IKZF1: variants seen among roughly 807,000 people sequenced by gnomAD.
The protein encoded by IKZF1 is DNA-binding protein Ikaros.
In IKZF1, 10 loss-of-function variants were observed where a neutral mutation model predicts 51.7. The observed-to-expected ratio is 0.19, with a 90% CI of 0.12 to 0.33. The LOEUF is 0.33. Ranked by LOEUF, IKZF1 falls within the 10% of genes least tolerant of loss-of-function variation. IKZF1 has a pLI of 1.00. For missense variants in IKZF1, 484 were observed against 707.5 expected, an observed-to-expected ratio of 0.68 and a Z score of 3.58; for synonymous variants, 280 against 282.3, an observed-to-expected ratio of 0.99 and a Z score of 0.08.
chr7:50,317,191 C>T (rs1791790405), intron 1 of IKZF1, among the ~76,000 whole-genome samples: 5 of 152,176 alleles, frequency 3.3e-5, no homozygotes, highest in Admixed American at 2.6e-4. Flanking sequence ...CTAAAAATTT[C>T]GTGTTGTTAT....
chr7:50,376,809 G>C lies in IKZF1; in HGVS notation c.421+16G>C, dbSNP rs1430756520. On this transcript the variant is annotated intron_variant, in intron 4 of 7. Coordinates refer to ENST00000331340, the MANE Select transcript of IKZF1 (RefSeq NM_006060.6). The surrounding 1 kb of genome is among the most constrained non-coding windows in gnomAD (Gnocchi z 4.5). ...AGCCACACTGGTAAGGCCTGGCTCA[G>C]TTTTTCCTTTAGTGGCCTGGAGAAG... is the stretch of plus-strand genomic sequence containing the variant. The C allele has an allele frequency of 1.9e-6, 3 of 1,611,828 alleles. No individual in the cohort carries two copies. The highest frequency in any genetic ancestry group is 2.2e-5 in the South Asian group (2 of 91,050).
In IKZF1 at chr7:50,400,426, C is replaced by T. The variant is rs770745706; in HGVS notation, c.1359C>T (p.Ser453=). ...ENSQDALRVV[S]TSGEQMKVYK... ...CGCAGGACGCGCTCCGCGTGGTCAG[C>T]ACCAGCGGGGAGCAGATGAAGGTGT... The change falls in exon 8 of 8, where the codon AGC becomes AGT. Residue 453 remains serine, a synonymous_variant. Transcript: ENST00000331340. The surrounding 1 kb of genome is among the most constrained non-coding windows in gnomAD (Gnocchi z 5.4). 1 of 1,613,862 alleles carries T rather than the reference C, an allele frequency of 6.2e-7. No homozygotes were observed.
intron 1 of IKZF1, among the ~76,000 whole-genome samples, chr7:50,306,305 GA>G (rs993910900): frequency 6.6e-6 from 1 of 151,652 alleles, no homozygotes; most frequent in Non-Finnish European, 1.5e-5. Flanking sequence ...TTTTTTACAT[GA>G]AAAAAAACGT....
rs114171828 is a variant in IKZF1, at chr7:50,344,945, A to G, written c.160+17188A>G. Among the ~76,000 whole-genome samples the G allele has an allele frequency of 2.6e-3, 390 of 152,108 alleles. 2 individuals are homozygous for G. The highest frequency in any genetic ancestry group is 0.014 in the Middle Eastern group (4 of 294). On this transcript the variant is annotated intron_variant, in intron 3 of 7. Transcript: ENST00000331340. ...TCATCTAAAAATTTAAATCAAATAT[A>G]TTAGGTTGGTGCAAAAGTAACTGCG...
chr7:50,308,028 T>C (rs1051536027), intron 1 of IKZF1, among the ~76,000 whole-genome samples: 1 of 152,248 alleles, frequency 6.6e-6, no homozygotes, highest in Non-Finnish European at 1.5e-5. Context: ...CCACATCTCC[T>C]GGAATATATG....
At chr7:50,385,495 G>A (rs879443400) in intron 5 of IKZF1, among the ~76,000 whole-genome samples, 1 of 152,232 alleles carries the variant, frequency 6.6e-6, no homozygotes, top group Non-Finnish European at 1.5e-5. Context: ...TGGAGGGGTG[G>A]AGAAGTGATC....
intron 3 of IKZF1, among the ~76,000 whole-genome samples, chr7:50,357,242 C>T (rs532673193): frequency 5.9e-5 from 9 of 152,152 alleles, no homozygotes; most frequent in Non-Finnish European, 1.0e-4. Flanking sequence ...TCTCACAGTT[C>T]CTGTTGCCTG....
At chr7:50,327,906 T>C in intron 3 of IKZF1, 149 bp downstream of exon 3, 1 of 929,714 alleles carries the variant, frequency 1.1e-6, no homozygotes, top group Non-Finnish European at 1.6e-6. Flanking sequence ...ATCAGCAGGA[T>C]GGGGGTCCTC....
intron 3 of IKZF1, among the ~76,000 whole-genome samples, chr7:50,355,330 GTCA>G (rs931482414): frequency 2.6e-5 from 4 of 152,200 alleles, no homozygotes; most frequent in African/African-American, 7.2e-5. Flanking sequence ...TTGCAGAGTG[GTCA>G]TCATTATCAG....
At chr7:50,320,219 A>G (rs1012639808) in intron 2 of IKZF1, among the ~76,000 whole-genome samples, 4 of 152,224 alleles carry the variant, frequency 2.6e-5, no homozygotes, top group African/African-American at 4.8e-5. Flanking sequence ...TATCTTAAAT[A>G]TAATTCTCAT....
rs895357301 is a variant in IKZF1 at position 50,403,267 on chromosome 7, T to C, written c.*2640T>C. The C allele has an allele frequency of 4.5e-6, 1 of 222,356 alleles. No individual in the cohort carries two copies. Among genetic ancestry groups the C allele is most frequent in the Non-Finnish European group, 9.0e-6 (1 of 111,240 alleles). The allele number at this position is 222,356 out of a possible 1,614,324, so 13.8% of individuals were successfully genotyped here. ...TTATGTTTAAAAGGTGGCCATATCA[T>C]GTACCAAAAGTTGCTGAAGTTTCTC... On this transcript the variant is annotated 3_prime_UTR_variant, in exon 8 of 8. Coordinates refer to ENST00000331340, the MANE Select transcript of IKZF1 (RefSeq NM_006060.6).
chr7:50,400,279 C>G lies in IKZF1; in HGVS notation c.1212C>G (p.Asn404Lys). 1 of 1,612,694 alleles carries G rather than the reference C, an allele frequency of 6.2e-7. No individual in the cohort carries two copies. The highest frequency in any genetic ancestry group is 1.1e-5 in the South Asian group (1 of 90,970). Reference protein sequence around the residue: ...CQDSTDTESNNEEQRSGLIYL... With the variant: ...CQDSTDTESNKEEQRSGLIYL... The stretch of plus-strand genomic sequence containing the variant: ...ACTCCACGGACACCGAGAGCAACAA[C>G]GAGGAGCAGCGCAGCGGTCTCATCT... Residue 404 changes from asparagine (N) to lysine (K), a missense_variant, in exon 8 of 8, where the codon AAC becomes AAG. By Grantham distance (94) the Asn-to-Lys change is moderately conservative (BLOSUM62 0). Coordinates refer to ENST00000331340, the MANE Select transcript of IKZF1 (RefSeq NM_006060.6). This position sits in a 1 kb window ranked among gnomAD's most constrained non-coding sequence, Gnocchi z 5.4.
At chr7:50,358,315 A>T (rs1296778855) in intron 3 of IKZF1, among the ~76,000 whole-genome samples, 1 of 152,228 alleles carries the variant, frequency 6.6e-6, no homozygotes, top group African/African-American at 2.4e-5. Flanking sequence ...AAAAAACATG[A>T]CATTTGAAGT....
intron 6 of IKZF1, among the ~76,000 whole-genome samples, chr7:50,390,590 G>A (rs1814774229): frequency 6.6e-6 from 1 of 152,232 alleles, no homozygotes; most frequent in South Asian, 2.1e-4. Context: ...AAACATGGGA[G>A]ATTGGAGAGG....
intron 3 of IKZF1, among the ~76,000 whole-genome samples, chr7:50,343,186 T>C: frequency 1.2e-5 from 1 of 82,590 alleles, no homozygotes; most frequent in Non-Finnish European, 2.2e-5. Context: ...CTCCCTCCCT[T>C]CCCCTCGTCT....
chr7:50,385,025 T>G (rs973971709), intron 5 of IKZF1, among the ~76,000 whole-genome samples: 3 of 152,242 alleles, frequency 2.0e-5, no homozygotes, highest in African/African-American at 7.2e-5. Context: ...TCCAGGCCTA[T>G]GTATTTCATT....
rs1460014539 is a variant in IKZF1, at chr7:50,400,363, C to T, written c.1296C>T (p.His432=). 9 of 1,613,100 alleles carry T rather than the reference C, an allele frequency of 5.6e-6. No homozygotes were observed. Among genetic ancestry groups the T allele is most frequent in the East Asian group, 2.2e-5 (1 of 44,874 alleles). The change falls in exon 8 of 8, where the codon CAC becomes CAT. Residue 432 remains histidine, a synonymous_variant. Coordinates refer to ENST00000331340, the MANE Select transcript of IKZF1 (RefSeq NM_006060.6). This position sits in a 1 kb window ranked among gnomAD's most constrained non-coding sequence, Gnocchi z 5.4. ...ACGGGCTGTCGCTCAAGGAGGAGCA[C>T]CGCGCCTACGACCTGCTGCGCGCCG... ...ARNGLSLKEE[H]RAYDLLRAAS...
intron 5 of IKZF1, among the ~76,000 whole-genome samples, chr7:50,383,654 C>A (rs796891551): frequency 3.9e-5 from 6 of 152,350 alleles, no homozygotes; most frequent in African/African-American, 1.4e-4. Context: ...TTTTGTCCTT[C>A]CCCTCAAGGA....
chr7:50,395,572 T>G (rs967677537), intron 7 of IKZF1, among the ~76,000 whole-genome samples: 1 of 152,224 alleles, frequency 6.6e-6, no homozygotes, highest in Non-Finnish European at 1.5e-5. Flanking sequence ...ATTTTTACAT[T>G]GTCCAGCTTT....
Sources: allele counts gnomAD v4.1 joint callset (sites outside exome capture counted in the v4.1 genomes callset), GRCh38; gene constraint gnomAD v4.1.1; non-coding constraint Gnocchi (gnomAD v3.1); transcripts MANE v1.5; gene names NCBI Gene and HGNC (gene_info 2026-07-23, HGNC 2026-07-21).